Variants in HIRA observed in about 807,000 individuals in gnomAD.
The protein encoded by HIRA is protein HIRA.
In HIRA, 13 loss-of-function variants were observed where a neutral mutation model predicts 126.6. That is an observed-to-expected ratio of 0.10 (90% CI 0.07 to 0.16). HIRA has a LOEUF of 0.16. HIRA is among the 10% of genes least tolerant of loss of function. The probability of loss-of-function intolerance (pLI) is 1.00; values close to 1 mark genes in which losing one functional copy is unlikely to be tolerated. For missense variants in HIRA, 834 were observed against 1,314.4 expected (o/e 0.63, Z 5.65); for synonymous variants, 511 against 520.0 (o/e 0.98, Z 0.24).
chr22:19,412,720 AGGCTGTGCTGAG>A (rs1218163410), intron 1 of HIRA, among the ~76,000 whole-genome samples: 2 of 152,308 alleles, frequency 1.3e-5, no homozygotes, highest in African/African-American at 4.8e-5. Flanking sequence ...AGGCTGAGCC[AGGCTGTGCTGAG>A]GGCTCAGCTG....
intron 6 of HIRA, 116 bp from the exon 7 acceptor site, chr22:19,397,063 C>T (rs1273307382): frequency 4.5e-6 from 4 of 898,114 alleles, no homozygotes; most frequent in Non-Finnish European, 6.9e-6. Flanking sequence ...CATGGCCAGC[C>T]CCCACACCAG....
intron 7 of HIRA, 25 bp downstream of exon 7, chr22:19,396,762 A>G: frequency 5.0e-6 from 8 of 1,611,284 alleles, no homozygotes; most frequent in Non-Finnish European, 6.8e-6. Flanking sequence ...GCGGGGGCTC[A>G]GCTCCCTGAG....
chr22:19,346,656 G>A (rs953928824), intron 24 of HIRA, among the ~76,000 whole-genome samples: 1 of 152,218 alleles, frequency 6.6e-6, no homozygotes, highest in East Asian at 1.9e-4. Context: ...GGTTGCCTGT[G>A]AGGCACAGAC....
At chr22:19,405,924 G>C in intron 4 of HIRA, 44 bp from the exon 5 acceptor site, 3 of 1,282,196 alleles carry the variant, frequency 2.3e-6, no homozygotes, top group Non-Finnish European at 1.0e-6. Context: ...GAGTGCTCTG[G>C]GCACTGCATA....
rs143821957 is a variant in HIRA, at chr22:19,359,431, C to T, written c.2139G>A (p.Val713=). ...TCAGGCGGCTCAGCTTCACGCCCCCCACCACTGTCACTTCATTCTCCACCT... is the reference window on the plus strand; with the variant it reads ...TCAGGCGGCTCAGCTTCACGCCCCCTACCACTGTCACTTCATTCTCCACCT... The part of the protein sequence containing the change: ...YIEVENEVTV[V]GGVKLSRLKC... Residue 713 remains valine (V), a synonymous_variant, in exon 18 of 25, where the codon GTG becomes GTA. Coordinates refer to ENST00000263208, the MANE Select transcript of HIRA (RefSeq NM_003325.4). 3 of 1,609,960 alleles carry T rather than the reference C, an allele frequency of 1.9e-6. No individual in the cohort carries two copies. Among genetic ancestry groups the T allele is most frequent in the Non-Finnish European group, 2.5e-6 (3 of 1,178,410 alleles).
intron 15 of HIRA, among the ~76,000 whole-genome samples, chr22:19,370,353 G>C (rs1470265999): frequency 6.6e-6 from 1 of 152,074 alleles, no homozygotes; most frequent in African/African-American, 2.4e-5. Context: ...AAGGAATTCT[G>C]CTGCCTCAGC....
At chr22:19,340,591 A>G (rs2088616836) in intron 24 of HIRA, among the ~76,000 whole-genome samples, 1 of 152,196 alleles carries the variant, frequency 6.6e-6, no homozygotes, top group African/African-American at 2.4e-5. Flanking sequence ...CTGTTTGCCA[A>G]TGATATGATC....
At chr22:19,414,276 T>C (rs57359213) in intron 1 of HIRA, among the ~76,000 whole-genome samples, 2 of 152,190 alleles carry the variant, frequency 1.3e-5, no homozygotes, top group Non-Finnish European at 1.5e-5. Context: ...AAAGAATACA[T>C]TAAGGAAGCT....
chr22:19,394,577 G>A, intron 7 of HIRA, 68 bp from the exon 8 acceptor site: 1 of 1,503,744 alleles, frequency 6.7e-7, no homozygotes. Flanking sequence ...TGGCCTCGAG[G>A]ATAAAGTTAA....
intron 23 of HIRA, among the ~76,000 whole-genome samples, chr22:19,353,014 C>T (rs181074947): frequency 6.6e-6 from 1 of 152,358 alleles, no homozygotes; most frequent in African/African-American, 2.4e-5. Flanking sequence ...CTACAAGATG[C>T]CCTCACTGAT....
At chr22:19,366,221 G>A (rs1380463396) in intron 15 of HIRA, among the ~76,000 whole-genome samples, 6 of 151,804 alleles carry the variant, frequency 4.0e-5, no homozygotes, top group African/African-American at 1.5e-4. Context: ...AATTAGCCAG[G>A]TGTGGTGGGG....
Position 19,405,872 on chromosome 22 carries a change from C to A in HIRA, c.311G>T (p.Gly104Val). Residue 104 changes from glycine to valine, a missense_variant, in exon 5 of 25, where the codon GGC becomes GTC. Gly to Val is a moderately radical substitution (Grantham distance 109). This residue lies in a region of HIRA where 102 missense variants were observed against 191.4 expected (regional missense o/e 0.53). Coordinates refer to ENST00000263208, the MANE Select transcript of HIRA (RefSeq NM_003325.4). Reference sequence around the variant, plus strand: ...ACTGGAGCCGAACACGGTGCTGGGGCCGATGTACCTGTGTGAGAAAGGGGC... The same window carrying A: ...ACTGGAGCCGAACACGGTGCTGGGGACGATGTACCTGTGTGAGAAAGGGGC... ...IMVWKRATYI[G>V]PSTVFGSSGK... is the part of the protein sequence containing the mutation. The A allele has an allele frequency of 6.7e-7, 1 of 1,485,298 alleles. No homozygotes were observed. Among genetic ancestry groups the A allele is most frequent in the African/African-American group, 1.4e-5 (1 of 69,948 alleles). The allele number at this position is 1,485,298 out of a possible 1,614,324, so 92.0% of individuals were successfully genotyped here. A position where few individuals can be genotyped will look rare whatever the true frequency, so the allele number is the denominator to read the frequency against.
At position 19,377,940 on chromosome 22, in the gene HIRA, G is replaced by A; in HGVS notation, c.1542C>T (p.Ala514=). 1 of 1,613,988 alleles carries A rather than the reference G, an allele frequency of 6.2e-7. No individual in the cohort carries two copies. The highest frequency in any genetic ancestry group is 8.5e-7 in the Non-Finnish European group (1 of 1,179,948). ...CCACAGGCTCTGTGCAAGGCTTCGAGGCGCCGAAGGAGTTAGGGGTACTGG... is the reference window on the plus strand; with the variant it reads ...CCACAGGCTCTGTGCAAGGCTTCGAAGCGCCGAAGGAGTTAGGGGTACTGG... ...LDSSTPNSFG[A]SKPCTEPVVA... The change falls in exon 14 of 25, where the codon GCC becomes GCT. Residue 514 remains alanine, a synonymous_variant. Coordinates refer to ENST00000263208, the MANE Select transcript of HIRA (RefSeq NM_003325.4).
chr22:19,336,582 G>C (rs1484940584), intron 24 of HIRA, among the ~76,000 whole-genome samples: 9 of 152,228 alleles, frequency 5.9e-5, no homozygotes, highest in African/African-American at 2.2e-4. Flanking sequence ...ACCAGCATTT[G>C]AGAAAGCCTG....
chr22:19,364,948 C>T (rs1228624548), intron 15 of HIRA, among the ~76,000 whole-genome samples: 1 of 152,156 alleles, frequency 6.6e-6, no homozygotes, highest in Admixed American at 6.5e-5. Context: ...CCAGTGAACA[C>T]ATGTTTGAAA....
chr22:19,386,101 G>A (rs2089124747), intron 11 of HIRA, among the ~76,000 whole-genome samples: 2 of 152,158 alleles, frequency 1.3e-5, no homozygotes, highest in African/African-American at 4.8e-5. Flanking sequence ...TCACTCCTAG[G>A]ACCCAAATGA....
At chr22:19,368,392 G>T (rs1165617525) in intron 15 of HIRA, among the ~76,000 whole-genome samples, 4 of 152,060 alleles carry the variant, frequency 2.6e-5, no homozygotes, top group Non-Finnish European at 5.9e-5. Context: ...TAATATTCTG[G>T]AAGTCCTGAG....
At chr22:19,361,684 G>C (rs773010400) in intron 16 of HIRA, 43 bp downstream of exon 16, 26 of 1,589,122 alleles carry the variant, frequency 1.6e-5, no homozygotes, top group Non-Finnish European at 2.2e-5. Context: ...TCTAAGTACA[G>C]AAAGGTGGGC....
intron 15 of HIRA, among the ~76,000 whole-genome samples, chr22:19,374,275 A>G (rs1333516943): frequency 1.3e-5 from 2 of 152,072 alleles, no homozygotes; most frequent in African/African-American, 4.8e-5. Flanking sequence ...CGGAGGTTGC[A>G]GTGAGCAGAG....
Sources: gnomAD v4.1 joint callset for allele counts (sites outside exome capture counted in the v4.1 genomes callset) on GRCh38, gnomAD v4.1.1 for gene constraint, gnomAD v4.1.1 regional missense constraint, MANE v1.5 for transcripts, NCBI Gene and HGNC (gene_info 2026-07-23, HGNC 2026-07-21) for gene names.